Variants in CPE observed in about 807,000 individuals in gnomAD.
The protein encoded by CPE is carbocypeptidase E.
In CPE, 17 loss-of-function variants were observed where a neutral mutation model predicts 53.5. That is an observed-to-expected ratio of 0.32 (90% confidence interval 0.22 to 0.48). The LOEUF (loss-of-function observed/expected upper bound fraction) is 0.48. Among genes scored for constraint, CPE ranks in the 20% least tolerant of loss-of-function variants. CPE has a pLI of 0.99. For synonymous variants in CPE, 226 were observed against 228.8 expected, an observed-to-expected ratio of 0.99 and a Z score of 0.11; for missense variants, 524 against 614.7, an observed-to-expected ratio of 0.85 and a Z score of 1.56.
intron 1 of CPE, among the ~76,000 whole-genome samples, chr4:165,419,557 T>C (rs994956041): frequency 1.3e-5 from 2 of 152,198 alleles, no homozygotes; most frequent in African/African-American, 4.8e-5. Context: ...CATTTTATAA[T>C]TGGGGAAATG....
chr4:165,422,950 C>A lies in CPE; in HGVS notation c.308-41440C>A, dbSNP rs548699875. 1.5e-3 allele frequency among the ~76,000 whole-genome samples: 191 copies of A among 128,996 alleles called. 1 individual carries two copies. The highest frequency in any genetic ancestry group is 5.4e-3 in the African/African-American group (177 of 32,946). 84.6% of individuals were successfully genotyped at this position (128,996 alleles called of 152,430 possible). On this transcript the variant is annotated intron_variant, in intron 1 of 8. Transcript: ENST00000402744. Reference sequence around the variant, plus strand: ...CGAGATGGTGCCACTGCCCTCCAGCCTGGGCGACAGAACGAAACTCTGTCT... The same window carrying A: ...CGAGATGGTGCCACTGCCCTCCAGCATGGGCGACAGAACGAAACTCTGTCT...
intron 6 of CPE, among the ~76,000 whole-genome samples, chr4:165,490,372 G>A (rs929797913): frequency 2.0e-5 from 3 of 151,758 alleles, no homozygotes; most frequent in Non-Finnish European, 4.4e-5. Flanking sequence ...GGTGGCTCAC[G>A]CCTGTAATCC....
chr4:165,459,117 A>G (rs1731950810), intron 1 of CPE, among the ~76,000 whole-genome samples: 2 of 152,324 alleles, frequency 1.3e-5, no homozygotes, highest in African/African-American at 4.8e-5. Flanking sequence ...TTTTGAGGCA[A>G]GAGACTTCTT....
At chr4:165,468,267 G>GT (rs1273369223) in intron 3 of CPE, among the ~76,000 whole-genome samples, 3 of 152,048 alleles carry the variant, frequency 2.0e-5, no homozygotes, top group East Asian at 1.9e-4. Flanking sequence ...TCACTACTCA[G>GT]TTTTTTTCCC....
chr4:165,426,648 G>A (rs1731324200), intron 1 of CPE, among the ~76,000 whole-genome samples: 2 of 150,804 alleles, frequency 1.3e-5, no homozygotes, highest in Non-Finnish European at 3.0e-5. Context: ...TTTTGTGTCT[G>A]TTTGAAGTAG....
At chr4:165,408,832 G>A (rs1007129225) in intron 1 of CPE, among the ~76,000 whole-genome samples, 7 of 152,226 alleles carry the variant, frequency 4.6e-5, no homozygotes, top group African/African-American at 1.4e-4. Context: ...AGAGCCTTCA[G>A]TTGGGGTGGA....
rs1731302361 is a variant in CPE at position 165,425,570 on chromosome 4, AT to A, written c.308-38819del. On this transcript the variant is annotated intron_variant, in intron 1 of 8. Transcript: ENST00000402744. The stretch of plus-strand genomic sequence containing the variant: ...ATAAAAGGAGCAAGGAATAAAAAAA[AT>A]ATTTTGGCAAATTTACTAGATATTG... Among the ~76,000 whole-genome samples the A allele has an allele frequency of 3.9e-5, 6 of 152,180 alleles. No homozygotes were observed. The South Asian group carries it at 1.0e-3, about 26-fold the overall frequency.
rs1730952404 is a variant in CPE at position 165,406,270 on chromosome 4, G to A, written c.307+26742G>A. The A allele has an allele frequency of 2.7e-5, 17 of 627,724 alleles. No homozygotes were observed. The Middle Eastern group carries it at 2.2e-3, about 81-fold the overall frequency. 38.9% of individuals were successfully genotyped at this position (627,724 alleles called of 1,614,324 possible). On this transcript the variant is annotated intron_variant, in intron 1 of 8. Transcript: ENST00000402744. ...AAAGCAAAGGACCCTGTAAAATTGC[G>A]GCGTATATAACCTTGGGAGCGGAGG...
At chr4:165,433,687 A>G (rs758474049) in intron 1 of CPE, among the ~76,000 whole-genome samples, 2 of 152,146 alleles carry the variant, frequency 1.3e-5, no homozygotes, top group African/African-American at 2.4e-5. Context: ...GTAAAACCTT[A>G]TTTACACAAC....
intron 3 of CPE, among the ~76,000 whole-genome samples, chr4:165,477,738 A>G (rs1031019949): frequency 3.9e-5 from 6 of 151,904 alleles, no homozygotes; most frequent in Admixed American, 1.3e-4. Context: ...AGAAAAAAAA[A>G]AAAGAAATTC....
intron 1 of CPE, among the ~76,000 whole-genome samples, chr4:165,447,571 TAA>T (rs35694424): frequency 6.4e-4 from 93 of 145,770 alleles, no homozygotes; most frequent in Admixed American, 9.0e-4. Flanking sequence ...ACTCTGTCTT[TAA>T]AAAAAAAAAA....
At chr4:165,493,015 A>G (rs1451611836) in intron 6 of CPE, among the ~76,000 whole-genome samples, 156 bp from the exon 7 acceptor site, 3 of 152,208 alleles carry the variant, frequency 2.0e-5, no homozygotes, top group African/African-American at 7.2e-5. Flanking sequence ...TGCACAAAAA[A>G]TTCAGTGGCC....
At chr4:165,407,763 C>T (rs761220978) in intron 1 of CPE, among the ~76,000 whole-genome samples, 54 of 151,994 alleles carry the variant, frequency 3.6e-4, no homozygotes, top group Non-Finnish European at 1.3e-4. Context: ...GCCATGTTGG[C>T]CAGGCTGGTC....
intron 3 of CPE, among the ~76,000 whole-genome samples, chr4:165,477,099 G>T (rs1412623209): frequency 6.6e-6 from 1 of 152,190 alleles, no homozygotes; most frequent in East Asian, 1.9e-4. Context: ...ATAGAAGAAT[G>T]GTGAAATCAA....
intron 1 of CPE, among the ~76,000 whole-genome samples, chr4:165,415,642 T>C (rs572491004): frequency 1.1e-4 from 17 of 152,264 alleles, no homozygotes; most frequent in African/African-American, 3.8e-4. Context: ...GATGTAGAAA[T>C]ATAGAGATCA....
intron 3 of CPE, among the ~76,000 whole-genome samples, chr4:165,471,670 T>G (rs1030735417): frequency 1.3e-5 from 2 of 152,204 alleles, no homozygotes; most frequent in Non-Finnish European, 2.9e-5. Flanking sequence ...CCTGTATGAA[T>G]TGGGTAAATT....
intron 1 of CPE, among the ~76,000 whole-genome samples, chr4:165,430,627 A>T (rs1196512087): frequency 6.6e-6 from 1 of 150,532 alleles, no homozygotes; most frequent in Non-Finnish European, 1.5e-5. Flanking sequence ...TGGAATTTGA[A>T]AAAATATAAA....
chr4:165,468,635 C>T (rs1732148736), intron 3 of CPE, among the ~76,000 whole-genome samples: 1 of 152,164 alleles, frequency 6.6e-6, no homozygotes, highest in Non-Finnish European at 1.5e-5. Flanking sequence ...ATCTCTCTGA[C>T]ACCTCTTCCA....
At chr4:165,411,755 A>G (rs978614699) in intron 1 of CPE, among the ~76,000 whole-genome samples, 1 of 152,150 alleles carries the variant, frequency 6.6e-6, no homozygotes, top group African/African-American at 2.4e-5. Context: ...AAATTATAAA[A>G]ATTCAAAGTG....
Sources: gnomAD v4.1 joint callset for allele counts (sites outside exome capture counted in the v4.1 genomes callset) on GRCh38, gnomAD v4.1.1 for gene constraint, MANE v1.5 for transcripts, NCBI Gene and HGNC (gene_info 2026-07-23, HGNC 2026-07-21) for gene names.